TSNARE1: variants seen among roughly 807,000 people sequenced by gnomAD.
TSNARE1 encodes the protein t-SNARE domain-containing protein 1.
In TSNARE1, 49 loss-of-function variants were observed where a neutral mutation model predicts 62.0. That is an observed-to-expected ratio of 0.79 (90% confidence interval 0.63 to 1.00). TSNARE1 has a LOEUF of 1.00. Among genes scored for constraint, TSNARE1 ranks in the 50% least tolerant of loss-of-function variants. The pLI, the probability that TSNARE1 is intolerant of heterozygous loss-of-function variation, is 0.00. For missense variants in TSNARE1, 755 were observed against 700.1 expected, an observed-to-expected ratio of 1.08 and a Z score of -0.88; for synonymous variants, 328 against 294.4, an observed-to-expected ratio of 1.11 and a Z score of -1.17.
At chr8:142,309,639 T>G (rs538049431) in intron 9 of TSNARE1, among the ~76,000 whole-genome samples, 1 of 152,336 alleles carries the variant, frequency 6.6e-6, no homozygotes, top group South Asian at 2.1e-4. Flanking sequence ...TTTCACAGAT[T>G]GCTAGATTGA....
At chr8:142,237,536 TC>T (rs1400513767) in intron 12 of TSNARE1, among the ~76,000 whole-genome samples, 1 of 152,176 alleles carries the variant, frequency 6.6e-6, no homozygotes, top group Non-Finnish European at 1.5e-5. Flanking sequence ...ACCCGGGCCC[TC>T]CCCTGAGCCT....
At chr8:142,230,241 G>A (rs1460299906) in intron 12 of TSNARE1, among the ~76,000 whole-genome samples, 1 of 152,222 alleles carries the variant, frequency 6.6e-6, no homozygotes, top group African/African-American at 2.4e-5. Context: ...AGACCAGGGG[G>A]TGAGAGGCAA....
intron 4 of TSNARE1, among the ~76,000 whole-genome samples, chr8:142,337,386 T>C (rs1297087227): frequency 6.6e-6 from 1 of 152,214 alleles, no homozygotes; most frequent in South Asian, 2.1e-4. Context: ...CCTACAGAAA[T>C]GCTCACAGCC....
At chr8:142,278,345 G>A (rs921196027) in intron 11 of TSNARE1, 13 of 985,454 alleles carry the variant, frequency 1.3e-5, no homozygotes, top group Non-Finnish European at 1.6e-5. Context: ...CTGCCACTGG[G>A]GGCGTTTGAG....
intron 13 of TSNARE1, among the ~76,000 whole-genome samples, chr8:142,227,534 C>G (rs954950592): frequency 8.5e-5 from 13 of 152,240 alleles, no homozygotes; most frequent in Non-Finnish European, 1.8e-4. Context: ...ATTCTGCCCA[C>G]AACCCCAACA....
chr8:142,275,422 G>C (rs959808916), intron 11 of TSNARE1: 4 of 985,340 alleles, frequency 4.1e-6, no homozygotes, highest in South Asian at 9.4e-5. Flanking sequence ...GGAAAAGCCG[G>C]GCTCGGTGGC....
At chr8:142,293,528 C>T (rs1176196889) in intron 10 of TSNARE1, among the ~76,000 whole-genome samples, 1 of 152,238 alleles carries the variant, frequency 6.6e-6, no homozygotes, top group Non-Finnish European at 1.5e-5. Context: ...CCAGGAGAGA[C>T]CTGCCCAGGG....
chr8:142,326,739 G>C (rs901527657), intron 6 of TSNARE1, among the ~76,000 whole-genome samples: 7 of 152,228 alleles, frequency 4.6e-5, no homozygotes, highest in Admixed American at 2.6e-4. Flanking sequence ...CTGCACAGCA[G>C]GAGGAAACTT....
intron 6 of TSNARE1, among the ~76,000 whole-genome samples, chr8:142,322,213 A>C (rs977152786): frequency 2.6e-5 from 4 of 152,202 alleles, no homozygotes; most frequent in Non-Finnish European, 5.9e-5. Flanking sequence ...TTTAGACTAA[A>C]ACTTCCTTTA....
chr8:142,324,498 T>C (rs1005364526), intron 6 of TSNARE1, among the ~76,000 whole-genome samples: 1 of 152,194 alleles, frequency 6.6e-6, no homozygotes, highest in South Asian at 2.1e-4. Flanking sequence ...CCTAGCGCCC[T>C]GCCCTAGTCT....
chr8:142,231,824 C>T (rs917501985), intron 12 of TSNARE1, among the ~76,000 whole-genome samples: 4 of 152,338 alleles, frequency 2.6e-5, no homozygotes, highest in South Asian at 2.1e-4. Context: ...TGGAGCTGGG[C>T]ACCCAGCCAC....
intron 4 of TSNARE1, among the ~76,000 whole-genome samples, chr8:142,339,886 C>T (rs775319267): frequency 6.6e-6 from 1 of 152,262 alleles, no homozygotes; most frequent in African/African-American, 2.4e-5. Context: ...GACAGCTGCG[C>T]CGGGGGTGTC....
At chr8:142,388,436 T>C (rs1837253765) in intron 1 of TSNARE1, among the ~76,000 whole-genome samples, 1 of 138,662 alleles carries the variant, frequency 7.2e-6, no homozygotes, top group South Asian at 2.2e-4. Flanking sequence ...TTGGAAAGGA[T>C]AAGGTTAACC....
chr8:142,356,688 G>A (rs555784757), intron 1 of TSNARE1, among the ~76,000 whole-genome samples: 3 of 152,262 alleles, frequency 2.0e-5, no homozygotes, highest in East Asian at 3.9e-4. Flanking sequence ...TCACAGAGGC[G>A]CTTTACTACA....
At chr8:142,255,964 A>G (rs1818489329) in intron 12 of TSNARE1, among the ~76,000 whole-genome samples, 1 of 66,114 alleles carries the variant, frequency 1.5e-5, no homozygotes, top group African/African-American at 3.7e-5. Context: ...CATCACCACC[A>G]CCATCACCAT....
chr8:142,222,237 T>C (rs1265024757), intron 13 of TSNARE1, among the ~76,000 whole-genome samples: 3,532 of 21,024 alleles, frequency 0.17, 251 homozygotes, highest in Non-Finnish European at 0.21. Context: ...CATCCACTCA[T>C]TCACTCACTC....
chr8:142,349,113 A>G (rs1475161967), intron 2 of TSNARE1, among the ~76,000 whole-genome samples: 1 of 152,208 alleles, frequency 6.6e-6, no homozygotes, highest in Non-Finnish European at 1.5e-5. Context: ...GCTCGCCCCC[A>G]TGCCCCAGAA....
At chr8:142,363,431 C>G (rs1835306929) in intron 1 of TSNARE1, among the ~76,000 whole-genome samples, 1 of 152,136 alleles carries the variant, frequency 6.6e-6, no homozygotes, top group Non-Finnish European at 1.5e-5. Flanking sequence ...TCAAGGTGCA[C>G]AGGGGCCTCG....
chr8:142,317,591 A>G (rs1216334411), intron 7 of TSNARE1, among the ~76,000 whole-genome samples: 4 of 152,170 alleles, frequency 2.6e-5, no homozygotes, highest in African/African-American at 4.8e-5. Context: ...ATCTTTTGTC[A>G]CAAGTACCCT....
Sources: gnomAD v4.1 joint callset for allele counts (sites outside exome capture counted in the v4.1 genomes callset) on GRCh38, gnomAD v4.1.1 for gene constraint, MANE v1.5 for transcripts, NCBI Gene and HGNC (gene_info 2026-07-23, HGNC 2026-07-21) for gene names.